The following MAN2A2 variants were observed in gnomAD, a reference collection of about 807,000 sequenced individuals.
MAN2A2 encodes mannosidase alpha class 2A member 2, also known as alpha-mannosidase 2x.
In MAN2A2, 79 loss-of-function variants were observed where a neutral mutation model predicts 126.8. That is an observed-to-expected ratio of 0.62 (90% confidence interval 0.52 to 0.75). The LOEUF (loss-of-function observed/expected upper bound fraction) is 0.75. Ranked by LOEUF, MAN2A2 falls within the 30% of genes least tolerant of loss-of-function variation. The pLI is 0.00. For missense variants in MAN2A2, 1,392 were observed against 1,522.4 expected (o/e 0.91, Z 1.43); for synonymous variants, 671 against 618.7 (o/e 1.08, Z -1.25).
chr15:90,912,382 C>T (rs1207146594), intron 15 of MAN2A2, 103 bp downstream of exon 15: 1 of 1,562,172 alleles, frequency 6.4e-7, no homozygotes, highest in Non-Finnish European at 8.8e-7. Flanking sequence ...CATTCTGCCA[C>T]CTGACCCACA....
At chr15:90,907,252 C>T in intron 7 of MAN2A2, 57 bp from the exon 8 acceptor site, 7 of 1,539,290 alleles carry the variant, frequency 4.5e-6, no homozygotes, top group Middle Eastern at 3.4e-4. Flanking sequence ...AGATCCTTGC[C>T]CCCCTGGCGT....
chr15:90,916,656 G>A (rs960831204), intron 20 of MAN2A2: 48 of 1,294,976 alleles, frequency 3.7e-5, no homozygotes, highest in Non-Finnish European at 4.4e-5. Context: ...AGCGGTAACC[G>A]AGAGGTAAGG....
rs570702789 is a variant in MAN2A2 at position 90,918,314 on chromosome 15, C to T, written c.3115C>T (p.Arg1039Cys). 1.4e-5 allele frequency: 22 copies of T among 1,614,062 alleles called. No individual in the cohort carries two copies. The highest frequency in any genetic ancestry group is 8.9e-5 in the East Asian group (4 of 44,890). ...GATGCAGCTCCCAGGCCCTGGTCTG[C>T]GCTCATTTCATCCTCTGGCTTCCTC... ...ARMQLPGPGLRSFHPLASSLP... is the reference protein window; with the variant it reads ...ARMQLPGPGLCSFHPLASSLP... The change falls in exon 21 of 23, where the codon CGC becomes TGC. Residue 1039 changes from arginine (R) to cysteine (C), a missense_variant. By Grantham distance (180) the Arg-to-Cys change is radical. Coordinates refer to ENST00000559717, the MANE Select transcript of MAN2A2 (RefSeq NM_006122.4).
intron 9 of MAN2A2, among the ~76,000 whole-genome samples, 187 bp from the exon 10 acceptor site, chr15:90,909,903 G>A (rs1249537887): frequency 1.3e-5 from 2 of 152,148 alleles, no homozygotes; most frequent in African/African-American, 2.4e-5. Flanking sequence ...GCGCCCAGCC[G>A]AAGGTGCCCC....
At position 90,920,023 on chromosome 15, in the gene MAN2A2, C is replaced by T. The variant is rs1414515675; in HGVS notation, c.*236C>T. On this transcript the variant is annotated 3_prime_UTR_variant, in exon 23 of 23. Coordinates refer to ENST00000559717, the MANE Select transcript of MAN2A2 (RefSeq NM_006122.4). ...AGATCAGGGAGAGAAGGCCCTTGGTCAGAGTGGGCAGTGCCAGGCTCTGCT... is the reference window on the plus strand; with the variant it reads ...AGATCAGGGAGAGAAGGCCCTTGGTTAGAGTGGGCAGTGCCAGGCTCTGCT... 3.9e-6 allele frequency: 2 copies of T among 509,780 alleles called. No individual in the cohort carries two copies. The highest frequency in any genetic ancestry group is 6.9e-5 in the East Asian group (2 of 28,968). The allele number at this position is 509,780 out of a possible 1,614,324, so 31.6% of individuals were successfully genotyped here.
intron 2 of MAN2A2, among the ~76,000 whole-genome samples, 158 bp downstream of exon 2, chr15:90,904,497 C>A (rs145279799): frequency 6.7e-6 from 1 of 149,126 alleles, no homozygotes; most frequent in African/African-American, 2.5e-5. Flanking sequence ...TTGTAGAAAC[C>A]CTCAGCTAAA....
At position 90,918,255 on chromosome 15, in the gene MAN2A2, T is replaced by C. The variant is rs1596182519; in HGVS notation, c.3056T>C (p.Leu1019Pro). 1.9e-6 allele frequency: 3 copies of C among 1,613,968 alleles called. No individual in the cohort carries two copies. Among genetic ancestry groups the C allele is most frequent in the Non-Finnish European group, 2.5e-6 (3 of 1,179,938 alleles). The change falls in exon 21 of 23, where the codon CTG (leucine) becomes CCG (proline). Residue 1019 changes from leucine (L) to proline (P), a missense_variant. Transcript: ENST00000559717. ...SLLSHLTSMY[L>P]NAPALALPVA... The stretch of plus-strand genomic sequence containing the variant: ...CTCAGCCACCTGACCTCCATGTACC[T>C]GAACGCCCCGGCGCTCGCTCTGCCT...
Position 90,908,737 on chromosome 15 carries a change from G to A in MAN2A2, c.1197-590G>A, listed in dbSNP as rs569618504. Among the ~76,000 whole-genome samples the A allele has an allele frequency of 3.7e-3, 562 of 151,936 alleles. 3 individuals carry two copies. The highest frequency in any genetic ancestry group is 6.2e-3 in the Non-Finnish European group (419 of 67,944). ...ATTACAGATGTGCACCACCACACCCGGCTAATTTTTGTATTTTTAGTAGAG... is the reference window on the plus strand; with the variant it reads ...ATTACAGATGTGCACCACCACACCCAGCTAATTTTTGTATTTTTAGTAGAG... On this transcript the variant is annotated intron_variant, in intron 8 of 22. Transcript: ENST00000559717.
At chr15:90,918,519 C>T (rs1438868462) in intron 21 of MAN2A2, 126 bp from the exon 22 acceptor site, 4 of 1,263,300 alleles carry the variant, frequency 3.2e-6, no homozygotes, top group Non-Finnish European at 4.4e-6. Context: ...CCTCCAGGAC[C>T]AGGTTTTGGC....
chr15:90,913,104 C>A, intron 17 of MAN2A2, 113 bp downstream of exon 17: 2 of 1,143,358 alleles, frequency 1.7e-6, no homozygotes, highest in Non-Finnish European at 2.5e-6. Flanking sequence ...TCATTTGAGA[C>A]AGGGATGCTC....
In MAN2A2 at chr15:90,913,693, A is replaced by G; in HGVS notation, c.2798A>G (p.Asp933Gly). 1 of 1,609,234 alleles carries G rather than the reference A, an allele frequency of 6.2e-7. No individual in the cohort carries two copies. Among genetic ancestry groups the G allele is most frequent in the Non-Finnish European group, 8.5e-7 (1 of 1,177,884 alleles). ...YPMPVMAYIQDAQKRLTLHTA... is the reference protein window; with the variant it reads ...YPMPVMAYIQGAQKRLTLHTA... Reference sequence around the variant, plus strand: ...ATGCCAGTCATGGCCTATATCCAGGACGCACAGAAGCGCCTCACGCTGCAC... The same window carrying G: ...ATGCCAGTCATGGCCTATATCCAGGGCGCACAGAAGCGCCTCACGCTGCAC... The change falls in exon 19 of 23, where the codon GAC becomes GGC. Residue 933 changes from aspartate to glycine, a missense_variant. Asp to Gly is a moderately conservative substitution (Grantham distance 94). Transcript: ENST00000559717.
At chr15:90,904,886 C>T (rs1405997427) in intron 2 of MAN2A2, among the ~76,000 whole-genome samples, 4 of 152,234 alleles carry the variant, frequency 2.6e-5, no homozygotes, top group Non-Finnish European at 4.4e-5. Flanking sequence ...TGGGCCACCG[C>T]GCCCAGCCCC....
At chr15:90,919,291 G>T (rs2035422291) in intron 22 of MAN2A2, among the ~76,000 whole-genome samples, 1 of 152,256 alleles carries the variant, frequency 6.6e-6, no homozygotes, top group Non-Finnish European at 1.5e-5. Context: ...CGGAACTGGA[G>T]TGCAGTGGCG....
At chr15:90,917,758 G>C (rs1432686968) in intron 20 of MAN2A2, 1 of 158,866 alleles carries the variant, frequency 6.3e-6, no homozygotes, top group Non-Finnish European at 1.4e-5. Flanking sequence ...CTGGGCCTGA[G>C]AGCCAGGCTG....
chr15:90,916,138 T>G lies in MAN2A2; in HGVS notation c.2876T>G (p.Ile959Ser). 6.2e-7 allele frequency: 1 copy of G among 1,614,060 alleles called. No homozygotes were observed. The highest frequency in any genetic ancestry group is 2.2e-5 in the East Asian group (1 of 44,866). The change falls in exon 20 of 23, where the codon ATC becomes AGC. Residue 959 changes from isoleucine to serine, a missense_variant. Coordinates refer to ENST00000559717, the MANE Select transcript of MAN2A2 (RefSeq NM_006122.4). ...GCTTCCCCAGGCCAGCTGGAGGTGA[T>G]CTTGGACCGGCGGCTGATGCAGGAT... ...SSLKDGQLEV[I>S]LDRRLMQDDN...
rs749845652 is a variant in MAN2A2, at chr15:90,918,269, C to T, written c.3070C>T (p.Leu1024Phe). ...CTCCATGTACCTGAACGCCCCGGCG[C>T]TCGCTCTGCCTGTAGCCAGGATGCA... ...LTSMYLNAPA[L>F]ALPVARMQLP... is the part of the protein sequence containing the mutation. Residue 1024 changes from leucine (L) to phenylalanine (F), a missense_variant, in exon 21 of 23, where the codon CTC becomes TTC. Physicochemically the swap from Leu to Phe is conservative, Grantham distance 22. Coordinates refer to ENST00000559717, the MANE Select transcript of MAN2A2 (RefSeq NM_006122.4). The T allele has an allele frequency of 1.2e-6, 2 of 1,614,230 alleles. No homozygotes were observed. The highest frequency in any genetic ancestry group is 1.1e-5 in the South Asian group (1 of 91,090).
At chr15:90,918,852 C>A in intron 22 of MAN2A2, 97 bp downstream of exon 22, 2 of 879,762 alleles carry the variant, frequency 2.3e-6, no homozygotes, top group South Asian at 1.5e-5. Flanking sequence ...AAGAAAGTGT[C>A]ACTCCAGGGC....
In MAN2A2 at chr15:90,910,033, C is replaced by T. The variant is rs2034599304; in HGVS notation, c.1375-57C>T. On this transcript the variant is annotated intron_variant, in intron 9 of 22. Transcript: ENST00000559717. ...CTCACCCCCAACTGCAGCACTGTGG[C>T]CACAATTTGCAGGAGGCTCTAGAAC... The T allele has an allele frequency of 7.3e-6, 11 of 1,511,364 alleles. No individual in the cohort carries two copies. The South Asian group carries it at 1.2e-4, about 17-fold the overall frequency. The allele number at this position is 1,511,364 out of a possible 1,614,324, so 93.6% of individuals were successfully genotyped here.
At chr15:90,914,506 A>C (rs2035016760) in intron 19 of MAN2A2, among the ~76,000 whole-genome samples, 1 of 152,014 alleles carries the variant, frequency 6.6e-6, no homozygotes, top group African/African-American at 2.4e-5. Flanking sequence ...TAAAAGACAG[A>C]CTGACGTTCT....
Sources: allele counts gnomAD v4.1 joint callset (sites outside exome capture counted in the v4.1 genomes callset), GRCh38; gene constraint gnomAD v4.1.1; transcripts MANE v1.5; gene names NCBI Gene and HGNC (gene_info 2026-07-23, HGNC 2026-07-21).